PIK3AP1: variants seen among roughly 807,000 people sequenced by gnomAD.
The protein encoded by PIK3AP1 is phosphoinositide 3-kinase adapter protein 1.
In PIK3AP1, 21 loss-of-function variants were observed where a neutral mutation model predicts 88.1. The observed-to-expected ratio is 0.24, with a 90% CI of 0.17 to 0.34. The LOEUF is 0.34. Ranked by LOEUF, PIK3AP1 falls within the 10% of genes least tolerant of loss-of-function variation. The pLI, the probability that PIK3AP1 is intolerant of heterozygous loss-of-function variation, is 1.00. For missense variants in PIK3AP1, 828 were observed against 1,035.7 expected, an observed-to-expected ratio of 0.80 and a Z score of 2.75; for synonymous variants, 398 against 400.0, an observed-to-expected ratio of 1.00 and a Z score of 0.06.
chr10:96,710,090 A>G (rs1844420044), intron 1 of PIK3AP1, 107 bp from the exon 2 acceptor site: 3 of 1,133,462 alleles, frequency 2.6e-6, no homozygotes, highest in South Asian at 1.6e-5. Flanking sequence ...GGCACCCACA[A>G]TCTTTCGTGG....
intron 7 of PIK3AP1, among the ~76,000 whole-genome samples, chr10:96,648,408 A>G (rs961659883): frequency 1.7e-4 from 26 of 152,234 alleles, no homozygotes; most frequent in African/African-American, 6.0e-4. Flanking sequence ...TTCCTTCTGC[A>G]TATTAGGAAA....
intron 8 of PIK3AP1, among the ~76,000 whole-genome samples, chr10:96,633,863 A>C (rs1193045695): frequency 6.6e-6 from 1 of 152,238 alleles, no homozygotes; most frequent in African/African-American, 2.4e-5. Flanking sequence ...GACAACAAAC[A>C]TCAATTCTTT....
chr10:96,614,881 C>T (rs886153378), intron 13 of PIK3AP1, among the ~76,000 whole-genome samples: 4 of 152,198 alleles, frequency 2.6e-5, no homozygotes, highest in African/African-American at 9.7e-5. Context: ...AAGTTTTTGC[C>T]CATGTGGAGC....
At chr10:96,647,562 CTTAT>C (rs1275981287) in intron 7 of PIK3AP1, among the ~76,000 whole-genome samples, 1 of 152,168 alleles carries the variant, frequency 6.6e-6, no homozygotes, top group Non-Finnish European at 1.5e-5. Context: ...ACCTTTTAGA[CTTAT>C]TTGTGTCAGT....
chr10:96,672,914 G>A (rs7910144), intron 2 of PIK3AP1, among the ~76,000 whole-genome samples: 18,156 of 152,206 alleles, frequency 0.12, 1,807 homozygotes, highest in African/African-American at 0.25. Flanking sequence ...GCTCCTTTCA[G>A]TGTCTCCAGG....
Position 96,720,485 on chromosome 10 carries a change from C to T in PIK3AP1, c.-91G>A. On this transcript the variant is annotated 5_prime_UTR_variant, in exon 1 of 17. Coordinates refer to ENST00000339364, the MANE Select transcript of PIK3AP1 (RefSeq NM_152309.3). This position sits in a 1 kb window ranked among gnomAD's most constrained non-coding sequence, Gnocchi z 4.6. ...GTCCTGGCTCGGGCTGGAGGGGCGC[C>T]GGGCTCCGCGCGGGACCGGCCGCCG... 8.8e-7 allele frequency: 1 copy of T among 1,132,610 alleles called. No homozygotes were observed. The highest frequency in any genetic ancestry group is 1.1e-6 in the Non-Finnish European group (1 of 909,270). 70.2% of individuals were successfully genotyped at this position (1,132,610 alleles called of 1,614,324 possible).
intron 2 of PIK3AP1, among the ~76,000 whole-genome samples, chr10:96,691,582 G>C (rs1026208451): frequency 2.0e-5 from 3 of 152,106 alleles, no homozygotes; most frequent in Admixed American, 2.0e-4. Flanking sequence ...CGTTGGACTG[G>C]GGCCAGTGTT....
At chr10:96,634,684 T>C (rs541797624) in intron 8 of PIK3AP1, among the ~76,000 whole-genome samples, 1 of 152,354 alleles carries the variant, frequency 6.6e-6, no homozygotes, top group East Asian at 1.9e-4. Flanking sequence ...TTCATGGGTA[T>C]CATTATTATT....
At chr10:96,597,330 CTT>C (rs1848784527) in intron 16 of PIK3AP1, among the ~76,000 whole-genome samples, 1 of 113,462 alleles carries the variant, frequency 8.8e-6, no homozygotes, top group African/African-American at 3.6e-5. Context: ...TTCCTTCCTT[CTT>C]TCCTTCCCTC....
chr10:96,602,029 G>A (rs1209497240), intron 16 of PIK3AP1, among the ~76,000 whole-genome samples: 6 of 152,106 alleles, frequency 3.9e-5, no homozygotes, highest in East Asian at 1.9e-4. Context: ...GACTACAGGC[G>A]TGTGCCATCA....
At chr10:96,601,350 T>C (rs1293825000) in intron 16 of PIK3AP1, among the ~76,000 whole-genome samples, 1 of 151,286 alleles carries the variant, frequency 6.6e-6, no homozygotes, top group Non-Finnish European at 1.5e-5. Flanking sequence ...GGCAGGTACC[T>C]GTAATCCCAG....
chr10:96,617,870 A>G (rs1383359369), intron 12 of PIK3AP1, among the ~76,000 whole-genome samples: 1 of 152,196 alleles, frequency 6.6e-6, no homozygotes, highest in Admixed American at 6.5e-5. Context: ...TGGGGCACTC[A>G]GGGGGACAAA....
chr10:96,697,325 C>T (rs914891095), intron 2 of PIK3AP1, among the ~76,000 whole-genome samples: 1 of 152,208 alleles, frequency 6.6e-6, no homozygotes, highest in African/African-American at 2.4e-5. Flanking sequence ...GCCACCAGGT[C>T]TGTACACGCG....
chr10:96,639,209 G>T (rs1007970995), intron 8 of PIK3AP1, among the ~76,000 whole-genome samples: 2 of 152,158 alleles, frequency 1.3e-5, no homozygotes, highest in Non-Finnish European at 2.9e-5. Flanking sequence ...TATCAGGTGG[G>T]TGAGGTCTTT....
In PIK3AP1 at chr10:96,667,708, T is replaced by A. The variant is rs186223461; in HGVS notation, c.431-10774A>T. 9.1e-3 allele frequency among the ~76,000 whole-genome samples: 1,381 copies of A among 151,510 alleles called. 22 individuals carry two copies. The highest frequency in any genetic ancestry group is 0.032 in the African/African-American group (1,308 of 41,328). On this transcript the variant is annotated intron_variant, in intron 2 of 16. Coordinates refer to ENST00000339364, the MANE Select transcript of PIK3AP1 (RefSeq NM_152309.3). Reference sequence around the variant, plus strand: ...AAGGATTTTTTAAGAAAAAAAAAAATAAAAGTGTACAGCAAACATTCCAAA... The same window carrying A: ...AAGGATTTTTTAAGAAAAAAAAAAAAAAAAGTGTACAGCAAACATTCCAAA...
At chr10:96,620,053 A>T (rs1843055200) in intron 12 of PIK3AP1, among the ~76,000 whole-genome samples, 1 of 152,244 alleles carries the variant, frequency 6.6e-6, no homozygotes, top group South Asian at 2.1e-4. Context: ...AAGCAGAAGC[A>T]GGGAGCCAAA....
At chr10:96,610,981 C>G (rs185734722) in intron 13 of PIK3AP1, among the ~76,000 whole-genome samples, 13 of 152,302 alleles carry the variant, frequency 8.5e-5, no homozygotes, top group Non-Finnish European at 1.5e-4. Flanking sequence ...GGTACCACTT[C>G]CTCCTCCACC....
intron 13 of PIK3AP1, among the ~76,000 whole-genome samples, chr10:96,611,732 T>G (rs1849113320): frequency 1.3e-5 from 2 of 152,212 alleles, no homozygotes; most frequent in African/African-American, 4.8e-5. Context: ...CCTCCCAAAG[T>G]GCTGGGATTA....
rs532780459 is a variant in PIK3AP1 at position 96,608,172 on chromosome 10, C to T, written c.2170+1540G>A. Among the ~76,000 whole-genome samples the T allele has an allele frequency of 2.1e-3, 318 of 152,282 alleles. 1 individual carries two copies. Among genetic ancestry groups the T allele is most frequent in the Non-Finnish European group, 3.0e-3 (205 of 68,016 alleles). ...AATTACTCTGAACCTGAAATTAGTG[C>T]ATTTCTCTTGTTAAATTTCCAGCTG... is the stretch of plus-strand genomic sequence containing the variant. On this transcript the variant is annotated intron_variant, in intron 14 of 16. Coordinates refer to ENST00000339364, the MANE Select transcript of PIK3AP1 (RefSeq NM_152309.3).
Sources: allele counts gnomAD v4.1 joint callset (sites outside exome capture counted in the v4.1 genomes callset), GRCh38; gene constraint gnomAD v4.1.1; non-coding constraint Gnocchi (gnomAD v3.1); transcripts MANE v1.5; gene names NCBI Gene and HGNC (gene_info 2026-07-23, HGNC 2026-07-21).